The following CCDC82 variants were observed in gnomAD, a reference collection of about 807,000 sequenced individuals.
CCDC82 encodes coiled-coil domain-containing protein 82.
CCDC82 carries 47 observed loss-of-function variants against 60.6 expected under a neutral mutation model. The observed-to-expected ratio is 0.77, with a 90% CI of 0.61 to 0.99. CCDC82 has a LOEUF of 0.99. Among genes scored for constraint, CCDC82 ranks in the 50% least tolerant of loss-of-function variants. The probability of loss-of-function intolerance (pLI) is 0.00; values close to 1 mark genes in which losing one functional copy is unlikely to be tolerated. For missense variants in CCDC82, 588 were observed against 633.0 expected (o/e 0.93, Z 0.76); for synonymous variants, 212 against 207.4 (o/e 1.02, Z -0.19).
At position 96,383,926 on chromosome 11, in the gene CCDC82, G is replaced by T. The variant is rs1866024198; in HGVS notation, c.786+36C>A. On this transcript the variant is annotated intron_variant, in intron 4 of 9. Transcript: ENST00000646818. Reference sequence around the variant, plus strand: ...AATTAAATACTTTAAGAAAAAAACTGAAAAACAATAACAAATCCAACAAAA... The same window carrying T: ...AATTAAATACTTTAAGAAAAAAACTTAAAAACAATAACAAATCCAACAAAA... 12 of 1,542,428 alleles carry T rather than the reference G, an allele frequency of 7.8e-6. No homozygotes were observed. In the East Asian group the frequency reaches 2.7e-4, roughly 35 times the overall value.
intron 4 of CCDC82, 82 bp from the exon 5 acceptor site, chr11:96,383,555 G>C: frequency 1.2e-6 from 1 of 868,338 alleles, no homozygotes; most frequent in Non-Finnish European, 1.7e-6. Context: ...CATTAAATCT[G>C]ACAGCAAAAA....
intron 1 of CCDC82, chr11:96,388,279 T>C (rs1866317612): frequency 6.6e-6 from 1 of 152,208 alleles, no homozygotes; most frequent in Admixed American, 6.5e-5. Flanking sequence ...CAGAATCTAC[T>C]CAAAAGAGAA....
At chr11:96,371,472 C>A (rs962524966) in intron 6 of CCDC82, among the ~76,000 whole-genome samples, 1 of 152,110 alleles carries the variant, frequency 6.6e-6, no homozygotes, top group African/African-American at 2.4e-5. Context: ...GTCCCAGCTA[C>A]TCGGGAGGCT....
intron 9 of CCDC82, chr11:96,354,051 GC>G (rs1864225264): frequency 5.3e-6 from 1 of 189,068 alleles, no homozygotes. Flanking sequence ...TATATCAAAG[GC>G]TCTGCTAATG....
At chr11:96,361,865 T>C (rs1216949183) in intron 8 of CCDC82, among the ~76,000 whole-genome samples, 1 of 152,196 alleles carries the variant, frequency 6.6e-6, no homozygotes, top group African/African-American at 2.4e-5. Flanking sequence ...ACAAGAAAAT[T>C]AGTATAAAAA....
intron 6 of CCDC82, among the ~76,000 whole-genome samples, chr11:96,372,697 A>T (rs868425041): frequency 6.9e-6 from 1 of 144,580 alleles, no homozygotes; most frequent in Non-Finnish European, 1.5e-5. Context: ...TAAATATATA[A>T]AAATATATAT....
At chr11:96,362,554 T>G (rs767767606) in intron 8 of CCDC82, among the ~76,000 whole-genome samples, 1 of 152,162 alleles carries the variant, frequency 6.6e-6, no homozygotes, top group Non-Finnish European at 1.5e-5. Context: ...TAAACATATA[T>G]CCAAGATTGT....
At chr11:96,380,609 T>C (rs1286086924) in intron 5 of CCDC82, 2 of 151,792 alleles carry the variant, frequency 1.3e-5, no homozygotes, top group Non-Finnish European at 3.0e-5. Flanking sequence ...GGTGAATGGA[T>C]GAACAAAACT....
chr11:96,364,018 G>A (rs984282895), intron 8 of CCDC82: 1 of 152,028 alleles, frequency 6.6e-6, no homozygotes, highest in African/African-American at 2.4e-5. Flanking sequence ...TCACAGGAAT[G>A]TCAGAGCTCT....
chr11:96,371,819 T>G (rs1457381841), intron 6 of CCDC82, among the ~76,000 whole-genome samples: 1 of 152,226 alleles, frequency 6.6e-6, no homozygotes, highest in Non-Finnish European at 1.5e-5. Context: ...TACTCTTTTC[T>G]AGCTAGGCGT....
intron 8 of CCDC82, chr11:96,363,877 A>G (rs966681512): frequency 5.3e-5 from 8 of 152,224 alleles, no homozygotes; most frequent in Admixed American, 2.6e-4. Context: ...ATTTTCCCAT[A>G]TATTTGTTAA....
intron 6 of CCDC82, among the ~76,000 whole-genome samples, chr11:96,372,523 T>G (rs1457114306): frequency 6.6e-6 from 1 of 151,126 alleles, no homozygotes; most frequent in African/African-American, 2.4e-5. Flanking sequence ...TTGTTCAATA[T>G]ATTGTAAATG....
chr11:96,361,862 A>C (rs1244138695), intron 8 of CCDC82, among the ~76,000 whole-genome samples: 1 of 152,238 alleles, frequency 6.6e-6, no homozygotes. Context: ...CTAACAAGAA[A>C]ATTAGTATAA....
chr11:96,382,106 C>T (rs1865905143), intron 5 of CCDC82: 1 of 151,824 alleles, frequency 6.6e-6, no homozygotes, highest in Non-Finnish European at 1.5e-5. Context: ...AGCACTCATA[C>T]TGCATACCAA....
chr11:96,372,700 AT>A (rs1200764676), intron 6 of CCDC82, among the ~76,000 whole-genome samples: 1 of 139,596 alleles, frequency 7.2e-6, no homozygotes, highest in East Asian at 2.0e-4. Flanking sequence ...ATATATAAAA[AT>A]ATATATATAC....
intron 9 of CCDC82, 158 bp from the exon 10 acceptor site, chr11:96,353,872 T>C (rs1723908060): frequency 1.8e-6 from 1 of 547,686 alleles, no homozygotes; most frequent in Non-Finnish European, 3.2e-6. Flanking sequence ...AAATAAGCAT[T>C]CCTAACTCAT....
chr11:96,365,700 A>G (rs1231360219), intron 7 of CCDC82, among the ~76,000 whole-genome samples: 1 of 152,236 alleles, frequency 6.6e-6, no homozygotes, highest in African/African-American at 2.4e-5. Flanking sequence ...ACAGTTTAAT[A>G]GCTCAGTTAT....
At chr11:96,383,820 A>T (rs1866014704) in intron 4 of CCDC82, 142 bp downstream of exon 4, 1 of 776,234 alleles carries the variant, frequency 1.3e-6, no homozygotes, top group Non-Finnish European at 2.0e-6. Context: ...TAGTGTAATC[A>T]AACATGTTCA....
intron 5 of CCDC82, among the ~76,000 whole-genome samples, chr11:96,377,854 A>G (rs1865673354): frequency 6.6e-6 from 1 of 152,106 alleles, no homozygotes; most frequent in African/African-American, 2.4e-5. Context: ...TTTAATCTGC[A>G]TAAATGTGTT....
Sources: gnomAD v4.1 joint callset for allele counts (sites outside exome capture counted in the v4.1 genomes callset) on GRCh38, gnomAD v4.1.1 for gene constraint, MANE v1.5 for transcripts, NCBI Gene and HGNC (gene_info 2026-07-23, HGNC 2026-07-21) for gene names.